Variants in SORT1 observed in about 807,000 individuals in gnomAD.
The protein encoded by SORT1 is sortilin.
A neutral mutation model predicts 101.7 loss-of-function variants in SORT1; 39 were observed. The observed-to-expected ratio is 0.38, with a 90% CI of 0.30 to 0.50. SORT1 has a LOEUF of 0.50. Ranked by LOEUF, SORT1 falls within the 20% of genes least tolerant of loss-of-function variation. The probability of loss-of-function intolerance (pLI) is 0.90; values close to 1 mark genes in which losing one functional copy is unlikely to be tolerated. For synonymous variants in SORT1, 396 were observed against 393.7 expected (o/e 1.01, Z -0.07); for missense variants, 878 against 1,040.4 (o/e 0.84, Z 2.15).
At position 109,340,888 on chromosome 1, in the gene SORT1, G is replaced by A; in HGVS notation, c.1109-9C>T. 6.2e-7 allele frequency: 1 copy of A among 1,601,072 alleles called. No homozygotes were observed. Reference sequence around the variant, plus strand: ...TGTGCCAAACCCAGTGTCTGAAATAGGCAAACAAACAAAAATACTAAGTCT... The same window carrying A: ...TGTGCCAAACCCAGTGTCTGAAATAAGCAAACAAACAAAAATACTAAGTCT... On this transcript the variant is annotated splice_polypyrimidine_tract_variant and intron_variant, in intron 9 of 19. Coordinates refer to ENST00000256637, the MANE Select transcript of SORT1 (RefSeq NM_002959.7).
chr1:109,383,602 A>G (rs1343765166), intron 1 of SORT1, among the ~76,000 whole-genome samples: 2 of 152,246 alleles, frequency 1.3e-5, no homozygotes, highest in African/African-American at 2.4e-5. Context: ...AAGGCAAGGC[A>G]TCGGTGATCC....
chr1:109,340,602 A>T, intron 10 of SORT1, 122 bp downstream of exon 10: 1 of 1,004,844 alleles, frequency 1.0e-6, no homozygotes, highest in Non-Finnish European at 1.5e-6. Flanking sequence ...AAACAAAAAA[A>T]TGTACATGGG....
At chr1:109,393,909 T>C (rs945095330) in intron 1 of SORT1, among the ~76,000 whole-genome samples, 12 of 151,740 alleles carry the variant, frequency 7.9e-5, no homozygotes, top group Admixed American at 7.9e-4. Flanking sequence ...ATATTATGTA[T>C]ATATAATTTA....
chr1:109,373,634 C>T (rs1651632636), intron 1 of SORT1, among the ~76,000 whole-genome samples: 1 of 152,210 alleles, frequency 6.6e-6, no homozygotes, highest in African/African-American at 2.4e-5. Flanking sequence ...AGACTTAACG[C>T]TGTGCCGGTC....
intron 1 of SORT1, among the ~76,000 whole-genome samples, chr1:109,380,749 G>A (rs957413811): frequency 4.1e-5 from 6 of 145,092 alleles, no homozygotes; most frequent in African/African-American, 1.5e-4. Flanking sequence ...GGCCAAGGCG[G>A]GAGGATCACT....
intron 8 of SORT1, among the ~76,000 whole-genome samples, chr1:109,343,017 A>G (rs985925408): frequency 6.6e-6 from 1 of 152,194 alleles, no homozygotes; most frequent in Non-Finnish European, 1.5e-5. Context: ...CAGAGTTCAA[A>G]AGTACATCGC....
In SORT1 at chr1:109,347,774, T is replaced by C. The variant is rs559866067; in HGVS notation, c.783-242A>G. On this transcript the variant is annotated intron_variant, in intron 6 of 19. Transcript: ENST00000256637. ...CGTGAACTCTTTCAGGCAGTCATGC[T>C]GGTCTACTCACCCTCTCAACATTTG... Among the ~76,000 whole-genome samples the C allele has an allele frequency of 2.6e-5, 4 of 152,336 alleles. No homozygotes were observed. The East Asian group carries it at 7.7e-4, about 29-fold the overall frequency.
intron 10 of SORT1, among the ~76,000 whole-genome samples, chr1:109,340,319 G>A (rs1019349551): frequency 6.6e-6 from 1 of 152,126 alleles, no homozygotes; most frequent in Non-Finnish European, 1.5e-5. Context: ...AACCAATAGT[G>A]TATGATTCTG....
At chr1:109,316,115 C>T (rs1647207050) in intron 17 of SORT1, among the ~76,000 whole-genome samples, 1 of 152,138 alleles carries the variant, frequency 6.6e-6, no homozygotes, top group East Asian at 1.9e-4. Context: ...CTCAATTTTT[C>T]ACTTTGAACA....
intron 1 of SORT1, among the ~76,000 whole-genome samples, chr1:109,378,520 G>A (rs1035694112): frequency 2.0e-5 from 3 of 151,074 alleles, no homozygotes; most frequent in African/African-American, 4.9e-5. Context: ...AATATGAGCA[G>A]AGGATAAAGC....
chr1:109,380,870 T>TA (rs1652185749), intron 1 of SORT1, among the ~76,000 whole-genome samples: 1 of 146,512 alleles, frequency 6.8e-6, no homozygotes, highest in Non-Finnish European at 1.5e-5. Context: ...TGTGCACCTG[T>TA]AGTCCCAGCT....
At chr1:109,370,889 A>G (rs1284235879) in intron 1 of SORT1, among the ~76,000 whole-genome samples, 1 of 152,182 alleles carries the variant, frequency 6.6e-6, no homozygotes, top group Non-Finnish European at 1.5e-5. Context: ...ATGTCTATAA[A>G]TGGTTGGGAT....
intron 1 of SORT1, among the ~76,000 whole-genome samples, chr1:109,370,527 C>T (rs1021912523): frequency 2.0e-5 from 3 of 152,136 alleles, no homozygotes; most frequent in African/African-American, 7.2e-5. Flanking sequence ...ATAGAAATTA[C>T]ATACTATATA....
chr1:109,360,602 G>T (rs1053005426), intron 3 of SORT1, among the ~76,000 whole-genome samples: 2 of 151,100 alleles, frequency 1.3e-5, no homozygotes, highest in African/African-American at 4.9e-5. Context: ...CTCCCAAAGT[G>T]CTGGGATTAC....
At chr1:109,338,777 G>A (rs1649010742) in intron 10 of SORT1, among the ~76,000 whole-genome samples, 1 of 152,100 alleles carries the variant, frequency 6.6e-6, no homozygotes, top group African/African-American at 2.4e-5. Flanking sequence ...GAATTTGCAT[G>A]GGTTTGGTCT....
intron 1 of SORT1, among the ~76,000 whole-genome samples, chr1:109,391,267 G>C (rs1287482697): frequency 1.3e-5 from 2 of 152,150 alleles, no homozygotes; most frequent in Admixed American, 1.3e-4. Flanking sequence ...GCAAGTTCTG[G>C]AGGTGGTAGT....
chr1:109,328,868 A>T (rs1251814059), intron 11 of SORT1, among the ~76,000 whole-genome samples: 1 of 151,668 alleles, frequency 6.6e-6, no homozygotes, highest in Non-Finnish European at 1.5e-5. Context: ...AGCCAAGTGG[A>T]CCCCTGCATC....
intron 1 of SORT1, among the ~76,000 whole-genome samples, chr1:109,382,211 C>T (rs1234284120): frequency 2.0e-5 from 3 of 152,138 alleles, no homozygotes; most frequent in African/African-American, 4.8e-5. Flanking sequence ...TCTCAGCTCA[C>T]TGCAACCTCC....
rs1200479003 is a variant in SORT1, at chr1:109,325,043, T to C, written c.1690A>G (p.Arg564Gly). 9.9e-6 allele frequency: 16 copies of C among 1,613,744 alleles called. No individual in the cohort carries two copies. The highest frequency in any genetic ancestry group is 1.4e-5 in the Non-Finnish European group (16 of 1,179,766). ...AGGCCAGTGAAATAGATGGGGTCCC[T>C]GGTGAACGTGTAGGTTTGCCAGCAT... ...GQCWQTYTFT[R>G]DPIYFTGLAS... Residue 564 changes from arginine (R) to glycine (G), a missense_variant, in exon 14 of 20, where the codon AGG becomes GGG. Coordinates refer to ENST00000256637, the MANE Select transcript of SORT1 (RefSeq NM_002959.7).
Sources: gnomAD v4.1 joint callset for allele counts (sites outside exome capture counted in the v4.1 genomes callset) on GRCh38, gnomAD v4.1.1 for gene constraint, MANE v1.5 for transcripts, NCBI Gene and HGNC (gene_info 2026-07-23, HGNC 2026-07-21) for gene names.